Variants in VPS8 observed in about 807,000 individuals in gnomAD.
VPS8 encodes the protein VPS8 subunit of CORVET complex.
In VPS8, 129 loss-of-function variants were observed where a neutral mutation model predicts 216.4. The ratio of observed to expected loss-of-function variants is 0.60; its 90% CI spans 0.52 to 0.69. The LOEUF is 0.69. Among genes scored for constraint, VPS8 ranks in the 30% least tolerant of loss-of-function variants. VPS8 has a pLI of 0.00. For missense variants in VPS8, 1,531 were observed against 1,683.5 expected, an observed-to-expected ratio of 0.91 and a Z score of 1.59; for synonymous variants, 571 against 565.4, an observed-to-expected ratio of 1.01 and a Z score of -0.14.
intron 16 of VPS8, 53 bp from the exon 17 acceptor site, chr3:184,866,823 A>T: frequency 6.5e-7 from 1 of 1,532,482 alleles, no homozygotes; most frequent in Non-Finnish European, 8.9e-7. Flanking sequence ...TAAAAAATAT[A>T]TTAAATACAA....
At chr3:184,945,719 C>T (rs1743563546) in intron 36 of VPS8, among the ~76,000 whole-genome samples, 1 of 152,150 alleles carries the variant, frequency 6.6e-6, no homozygotes, top group Admixed American at 6.5e-5. Context: ...CACGGAAAAA[C>T]CAATTCACTG....
At chr3:184,907,435 G>T (rs1735696502) in intron 25 of VPS8, among the ~76,000 whole-genome samples, 1 of 152,276 alleles carries the variant, frequency 6.6e-6, no homozygotes, top group African/African-American at 2.4e-5. Context: ...TCTTATCTTT[G>T]TAGCTATCTT....
At chr3:184,826,050 T>G in intron 2 of VPS8, 113 bp from the exon 3 acceptor site, 1 of 709,240 alleles carries the variant, frequency 1.4e-6, no homozygotes, top group Middle Eastern at 3.7e-4. Flanking sequence ...GAGTTGATCA[T>G]TTTGGTGGTA....
At chr3:184,917,588 T>C (rs957587893) in intron 28 of VPS8, among the ~76,000 whole-genome samples, 1 of 152,080 alleles carries the variant, frequency 6.6e-6, no homozygotes, top group Non-Finnish European at 1.5e-5. Flanking sequence ...ATCACCACAC[T>C]TGGCTAATTT....
chr3:184,989,324 C>T (rs1053188825), intron 42 of VPS8, among the ~76,000 whole-genome samples: 3 of 152,144 alleles, frequency 2.0e-5, no homozygotes, highest in Admixed American at 1.3e-4. Flanking sequence ...CATGAGTGGG[C>T]GTTGGATTTT....
chr3:184,972,945 C>G (rs1748664563), intron 40 of VPS8, among the ~76,000 whole-genome samples: 1 of 152,156 alleles, frequency 6.6e-6, no homozygotes, highest in African/African-American at 2.4e-5. Flanking sequence ...TATATTTAGC[C>G]ATACATGTTA....
rs1747068294 is a variant in VPS8, at chr3:184,964,544, T to C, written c.3260T>C (p.Leu1087Pro). 6.6e-7 allele frequency: 1 copy of C among 1,515,758 alleles called. No homozygotes were observed. The highest frequency in any genetic ancestry group is 8.9e-7 in the Non-Finnish European group (1 of 1,125,366). 93.9% of individuals were successfully genotyped at this position (1,515,758 alleles called of 1,614,324 possible). Reference protein sequence around the residue: ...EKKGDIHGAFLIMLERLQSKL... With the variant: ...EKKGDIHGAFPIMLERLQSKL... ...AAAGGAGATATTCATGGTGCCTTCC[T>C]AATAATGTTAGAGGTAACACTTTAC... Residue 1087 changes from leucine to proline, a missense_variant, in exon 38 of 48, where the codon CTA (leucine) becomes CCA (proline). By Grantham distance (98) the Leu-to-Pro change is moderately conservative (BLOSUM62 -3). This residue lies in a region of VPS8 where 1,318 missense variants were observed against 1,468.4 expected (regional missense o/e 0.90). Coordinates refer to ENST00000625842, the MANE Select transcript of VPS8 (RefSeq NM_001009921.3).
chr3:184,816,669 G>A (rs1716384719), intron 1 of VPS8, among the ~76,000 whole-genome samples: 1 of 152,228 alleles, frequency 6.6e-6, no homozygotes, highest in Non-Finnish European at 1.5e-5. Flanking sequence ...CCAAGAGGGA[G>A]TCATATCAGA....
chr3:184,825,934 T>C, intron 2 of VPS8, among the ~76,000 whole-genome samples: 1 of 151,892 alleles, frequency 6.6e-6, no homozygotes, highest in East Asian at 1.9e-4. Context: ...GAAAGGGCTG[T>C]CAGGATAGTG....
intron 45 of VPS8, among the ~76,000 whole-genome samples, chr3:185,011,010 A>G (rs567178525): frequency 1.3e-5 from 2 of 152,264 alleles, no homozygotes; most frequent in African/African-American, 4.8e-5. Context: ...AAAAAACAAA[A>G]AAGAAAAAGA....
rs1745452663 is a variant in VPS8, at chr3:184,955,595, G to A, written c.3036-1779G>A. ...TAGTGGTTCCCCGGGCCCAGCTATT[G>A]TCTCTTTATCTCTTTGTCTTGTGTC... On this transcript the variant is annotated intron_variant, in intron 36 of 47. Coordinates refer to ENST00000625842, the MANE Select transcript of VPS8 (RefSeq NM_001009921.3). Among the ~76,000 whole-genome samples the A allele has an allele frequency of 2.0e-5, 3 of 151,968 alleles. No homozygotes were observed. In the South Asian group the frequency reaches 6.3e-4, roughly 32 times the overall value.
intron 43 of VPS8, among the ~76,000 whole-genome samples, chr3:184,996,065 G>A (rs1752573749): frequency 6.6e-6 from 1 of 152,180 alleles, no homozygotes; most frequent in Non-Finnish European, 1.5e-5. Flanking sequence ...GAATGGCAGA[G>A]CTCACATTTC....
intron 17 of VPS8, among the ~76,000 whole-genome samples, chr3:184,867,336 A>AAT (rs1727549940): frequency 6.6e-6 from 1 of 152,232 alleles, no homozygotes; most frequent in East Asian, 1.9e-4. Flanking sequence ...TTTGACTTAG[A>AAT]ATAGAATTGT....
chr3:185,024,738 C>T (rs1428074356), intron 46 of VPS8, among the ~76,000 whole-genome samples: 1 of 152,170 alleles, frequency 6.6e-6, no homozygotes, highest in African/African-American at 2.4e-5. Flanking sequence ...TGCAGAGGCT[C>T]ATGCCTGTAA....
chr3:185,024,347 T>A lies in VPS8; in HGVS notation c.4014T>A (p.Ser1338=). Residue 1338 remains serine (S), a synonymous_variant, in exon 46 of 48, where the codon TCT becomes TCA. Coordinates refer to ENST00000625842, the MANE Select transcript of VPS8 (RefSeq NM_001009921.3). ...GRITPSQVKM[S]PSYHQSKGDP... ...CCTTTTTTTTCCAGGTAAAAATGTC[T>A]CCATCGTATCATCAGTCCAAAGGGG... 6.3e-7 allele frequency: 1 copy of A among 1,594,826 alleles called. No homozygotes were observed. Among genetic ancestry groups the A allele is most frequent in the Non-Finnish European group, 8.5e-7 (1 of 1,169,636 alleles).
At chr3:184,999,655 G>A in intron 44 of VPS8, 41 bp from the exon 45 acceptor site, 2 of 1,561,992 alleles carry the variant, frequency 1.3e-6, no homozygotes, top group South Asian at 1.2e-5. Flanking sequence ...TATGGATTTT[G>A]TGATAATAAA....
intron 25 of VPS8, among the ~76,000 whole-genome samples, chr3:184,908,450 G>A (rs1462679544): frequency 6.6e-6 from 1 of 152,248 alleles, no homozygotes; most frequent in African/African-American, 2.4e-5. Context: ...TGAGGCCCGC[G>A]GTCTTGAGGG....
intron 8 of VPS8, among the ~76,000 whole-genome samples, chr3:184,845,423 A>G (rs1186731608): frequency 6.6e-6 from 1 of 152,206 alleles, no homozygotes; most frequent in East Asian, 1.9e-4. Flanking sequence ...TCTAAATTAT[A>G]TAACAGCAAG....
At chr3:184,996,307 T>C in intron 43 of VPS8, 25 bp from the exon 44 acceptor site, 1 of 1,583,568 alleles carries the variant, frequency 6.3e-7, no homozygotes. Context: ...TTTGTTTGTT[T>C]GTTTTTTGTT....
Sources: allele counts gnomAD v4.1 joint callset (sites outside exome capture counted in the v4.1 genomes callset), GRCh38; gene constraint gnomAD v4.1.1; regional missense constraint gnomAD v4.1.1; transcripts MANE v1.5; gene names NCBI Gene and HGNC (gene_info 2026-07-23, HGNC 2026-07-21).